The following CACNB2 variants were observed in gnomAD, a reference collection of about 807,000 sequenced individuals.
CACNB2 encodes calcium voltage-gated channel auxiliary subunit beta 2.
In CACNB2, 42 loss-of-function variants were observed where a neutral mutation model predicts 73.3. The observed-to-expected ratio is 0.57, with a 90% CI of 0.45 to 0.74. The LOEUF (loss-of-function observed/expected upper bound fraction) is 0.74, where lower values mean the gene tolerates loss of function less well. CACNB2 is among the 30% of genes least tolerant of loss of function. The pLI is 0.00. For synonymous variants in CACNB2, 348 were observed against 310.3 expected (o/e 1.12, Z -1.28); for missense variants, 940 against 853.0 (o/e 1.10, Z -1.27).
intron 12 of CACNB2, among the ~76,000 whole-genome samples, chr10:18,536,525 GT>G (rs2053620311): frequency 6.6e-6 from 1 of 151,752 alleles, no homozygotes; most frequent in Admixed American, 6.6e-5. Context: ...GTCTTCCAAA[GT>G]GCTAGGATTA....
chr10:18,235,644 C>T (rs901195174), intron 2 of CACNB2, among the ~76,000 whole-genome samples: 7 of 152,220 alleles, frequency 4.6e-5, no homozygotes, highest in Non-Finnish European at 5.9e-5. Context: ...GCTGCTGCTG[C>T]TCTCTGTCTG....
intron 2 of CACNB2, among the ~76,000 whole-genome samples, chr10:18,321,654 AAAT>A (rs1239646684): frequency 6.6e-6 from 1 of 152,184 alleles, no homozygotes; most frequent in Admixed American, 6.5e-5. Flanking sequence ...CCCCACAAAT[AAAT>A]ACACATACTG....
rs143530502 is a variant in CACNB2, at chr10:18,443,929, A to G, written c.333+41886A>G. Among the ~76,000 whole-genome samples the G allele has an allele frequency of 1.6e-3, 244 of 152,148 alleles. 1 individual carries two copies. Among genetic ancestry groups the G allele is most frequent in the African/African-American group, 5.3e-3 (221 of 41,536 alleles). ...GAGGTTTCGCCATGTTGGCCAGACT[A>G]GTCTTGAATGCCTAACCTCGAGCAA... On this transcript the variant is annotated intron_variant, in intron 3 of 13. Coordinates refer to ENST00000324631, the MANE Select transcript of CACNB2 (RefSeq NM_201596.3).
At chr10:18,174,507 A>G (rs943893120) in intron 2 of CACNB2, among the ~76,000 whole-genome samples, 3 of 151,564 alleles carry the variant, frequency 2.0e-5, no homozygotes, top group East Asian at 1.9e-4. Flanking sequence ...GGGTTCAAGC[A>G]ATTCTCCTCC....
Position 18,261,202 on chromosome 10 carries a change from G to A in CACNB2, c.213+110227G>A. 7 of 1,549,694 alleles carry A rather than the reference G, an allele frequency of 4.5e-6. No individual in the cohort carries two copies. In the South Asian group the frequency reaches 8.3e-5, roughly 18 times the overall value. On this transcript the variant is annotated intron_variant, in intron 2 of 13. Coordinates refer to ENST00000324631, the MANE Select transcript of CACNB2 (RefSeq NM_201596.3). ...AGGTGGGAAGAAATGGACCGAGGCTGTGACGAGAAGACAAGGCACAGTGCA... is the reference window on the plus strand; with the variant it reads ...AGGTGGGAAGAAATGGACCGAGGCTATGACGAGAAGACAAGGCACAGTGCA...
At chr10:18,259,206 A>T (rs2037415859) in intron 2 of CACNB2, among the ~76,000 whole-genome samples, 2 of 152,144 alleles carry the variant, frequency 1.3e-5, no homozygotes, top group African/African-American at 4.8e-5. Context: ...TTAAGGCAGA[A>T]TTTTTTTGTC....
intron 2 of CACNB2, among the ~76,000 whole-genome samples, chr10:18,239,588 G>C (rs1249876008): frequency 6.6e-6 from 1 of 152,128 alleles, no homozygotes; most frequent in African/African-American, 2.4e-5. Flanking sequence ...TGGACACTTA[G>C]GTTGATTCCA....
intron 2 of CACNB2, among the ~76,000 whole-genome samples, chr10:18,171,040 C>T (rs534788266): frequency 2.6e-5 from 4 of 152,248 alleles, no homozygotes; most frequent in Admixed American, 6.5e-5. Flanking sequence ...CATCATTAAA[C>T]GCACACTCTG....
At chr10:18,259,950 A>T (rs1453758381) in intron 2 of CACNB2, among the ~76,000 whole-genome samples, 1 of 152,066 alleles carries the variant, frequency 6.6e-6, no homozygotes, top group East Asian at 1.9e-4. Context: ...GTTGAGAATT[A>T]ATTGTCTTTT....
intron 2 of CACNB2, among the ~76,000 whole-genome samples, chr10:18,287,204 C>T (rs2038841158): frequency 1.3e-5 from 2 of 152,070 alleles, no homozygotes; most frequent in African/African-American, 4.8e-5. Context: ...TGGCTTGTGG[C>T]TGTAATCCCA....
rs560336668 is a variant in CACNB2, at chr10:18,318,422, A to G, written c.214-83502A>G. Among the ~76,000 whole-genome samples, 9 of 152,374 alleles carry G rather than the reference A, an allele frequency of 5.9e-5. No individual in the cohort carries two copies. The South Asian group carries it at 8.3e-4, about 14-fold the overall frequency. Reference sequence around the variant, plus strand: ...GGTGCTGGGAAAACTAGCTAACCATATGCAGAAAACTGAAACAGGATCCCT... The same window carrying G: ...GGTGCTGGGAAAACTAGCTAACCATGTGCAGAAAACTGAAACAGGATCCCT... On this transcript the variant is annotated intron_variant, in intron 2 of 13. Coordinates refer to ENST00000324631, the MANE Select transcript of CACNB2 (RefSeq NM_201596.3).
chr10:18,198,722 C>G (rs2131300829), intron 2 of CACNB2, among the ~76,000 whole-genome samples: 1 of 152,284 alleles, frequency 6.6e-6, no homozygotes, highest in East Asian at 1.9e-4. Context: ...TATGCCCACA[C>G]TTTTACTTCC....
chr10:18,156,954 A>C (rs531872471), intron 2 of CACNB2, among the ~76,000 whole-genome samples: 93 of 152,056 alleles, frequency 6.1e-4, no homozygotes, highest in African/African-American at 2.2e-3. Flanking sequence ...CAGGCAGGAG[A>C]ATTGCTTGAA....
At chr10:18,420,566 A>C (rs909000325) in intron 3 of CACNB2, among the ~76,000 whole-genome samples, 8 of 152,142 alleles carry the variant, frequency 5.3e-5, no homozygotes, top group African/African-American at 1.7e-4. Flanking sequence ...CTTGTATTCT[A>C]TTCAAGCCCC....
intron 3 of CACNB2, among the ~76,000 whole-genome samples, chr10:18,470,747 G>A (rs1173448461): frequency 6.6e-6 from 1 of 152,086 alleles, no homozygotes; most frequent in Admixed American, 6.6e-5. Context: ...TCTGGCACCT[G>A]GTAGGCATTG....
chr10:18,356,938 A>ATGTATTT (rs1436280481), intron 2 of CACNB2, among the ~76,000 whole-genome samples: 1 of 94,480 alleles, frequency 1.1e-5, no homozygotes, highest in Non-Finnish European at 2.2e-5. Context: ...CCCAGACTCA[A>ATGTATTT]TTTCTTTTTT....
intron 2 of CACNB2, among the ~76,000 whole-genome samples, chr10:18,378,544 T>C (rs2031571): frequency 0.1 from 15,884 of 152,188 alleles, 923 homozygotes; most frequent in Non-Finnish European, 0.12. Context: ...AGCCCAGAAG[T>C]TGGAGACCAG....
chr10:18,173,351 C>G (rs1009411189), intron 2 of CACNB2, among the ~76,000 whole-genome samples: 2 of 152,184 alleles, frequency 1.3e-5, no homozygotes, highest in Non-Finnish European at 2.9e-5. Context: ...GTCATAATTG[C>G]CTTTCCAAAG....
intron 2 of CACNB2, among the ~76,000 whole-genome samples, chr10:18,390,340 G>C (rs1195935989): frequency 6.6e-6 from 1 of 152,186 alleles, no homozygotes; most frequent in Non-Finnish European, 1.5e-5. Context: ...AGCCTCCCGA[G>C]TACCTGGGAC....
Sources: gnomAD v4.1 joint callset for allele counts (sites outside exome capture counted in the v4.1 genomes callset) on GRCh38, gnomAD v4.1.1 for gene constraint, MANE v1.5 for transcripts, NCBI Gene and HGNC (gene_info 2026-07-23, HGNC 2026-07-21) for gene names.